Variants in TARS2 observed in about 807,000 individuals in gnomAD.
TARS2 encodes threonine--tRNA ligase, mitochondrial.
A neutral mutation model predicts 94.4 loss-of-function variants in TARS2; 61 were observed. The ratio of observed to expected loss-of-function variants is 0.65; its 90% CI spans 0.53 to 0.80. The LOEUF (loss-of-function observed/expected upper bound fraction) is 0.80. Ranked by LOEUF, TARS2 falls within the 30% of genes least tolerant of loss-of-function variation. TARS2 has a pLI of 0.00. For missense variants in TARS2, 704 were observed against 902.5 expected, an observed-to-expected ratio of 0.78 and a Z score of 2.82; for synonymous variants, 359 against 353.4, an observed-to-expected ratio of 1.02 and a Z score of -0.18.
In TARS2 at chr1:150,487,515, C is replaced by T. The variant is rs587694786; in HGVS notation, c.65C>T (p.Thr22Met). 9 of 1,614,228 alleles carry T rather than the reference C, an allele frequency of 5.6e-6. No individual in the cohort carries two copies. In the South Asian group the frequency reaches 8.8e-5, roughly 16 times the overall value. ...LQGLQACRLH[T>M]AVVSTPPRWL... ...GGTTTACAGGCTTGCAGGCTACACA[C>T]GGTGCGTGAGGCACCCCCAAAGCTC... The change falls in exon 1 of 18, where the codon ACG (threonine) becomes ATG (methionine). Residue 22 changes from threonine to methionine, a missense_variant and splice_region_variant. Coordinates refer to ENST00000369064, the MANE Select transcript of TARS2 (RefSeq NM_025150.5).
intron 10 of TARS2, 22 bp from the exon 11 acceptor site, chr1:150,498,480 C>T: frequency 6.5e-7 from 1 of 1,548,660 alleles, no homozygotes; most frequent in South Asian, 1.3e-5. Context: ...ATGGCCCTGA[C>T]CCCTCTGCAC....
chr1:150,496,696 T>A, intron 8 of TARS2, 68 bp downstream of exon 8: 1 of 1,598,432 alleles, frequency 6.3e-7, no homozygotes, highest in South Asian at 1.1e-5. Context: ...AACCTGATTA[T>A]GAAATTGGGA....
chr1:150,488,517 T>C (rs1669247449), intron 2 of TARS2: 1 of 167,506 alleles, frequency 6.0e-6, no homozygotes, highest in Admixed American at 5.7e-5. Context: ...ATCATTAATT[T>C]ACTTTTTAAT....
rs767435905 is a variant in TARS2 at position 150,487,959 on chromosome 1, G to A, written c.168G>A (p.Lys56=). 6.2e-7 allele frequency: 1 copy of A among 1,614,094 alleles called. No homozygotes were observed. Among genetic ancestry groups the A allele is most frequent in the Non-Finnish European group, 8.5e-7 (1 of 1,180,040 alleles). Residue 56 remains lysine (K), a synonymous_variant, in exon 2 of 18, where the codon AAG becomes AAA. Transcript: ENST00000369064. ...QVKRLASMAQ[K]EPRTIKISLP... ...AGAGATTAGCAAGCATGGCACAGAA[G>A]GAACCCCGGACTATTAAGATATCAC...
At chr1:150,490,817 G>T (rs1402146725) in intron 4 of TARS2, 92 bp downstream of exon 4, 16 of 1,570,876 alleles carry the variant, frequency 1.0e-5, no homozygotes, top group Non-Finnish European at 1.1e-5. Context: ...GGATGAGGAA[G>T]CTGGAGGAGA....
chr1:150,497,451 A>T, intron 9 of TARS2, 79 bp from the exon 10 acceptor site: 1 of 1,397,680 alleles, frequency 7.2e-7, no homozygotes, highest in Non-Finnish European at 1.0e-6. Flanking sequence ...CTGAGGGCCC[A>T]GGAAGATCAC....
intron 7 of TARS2, among the ~76,000 whole-genome samples, chr1:150,494,517 A>G (rs1669557998): frequency 6.6e-6 from 1 of 152,024 alleles, no homozygotes; most frequent in Non-Finnish European, 1.5e-5. Flanking sequence ...AGTTGGGCGG[A>G]TCACTTGAGC....
chr1:150,498,773 C>T, intron 11 of TARS2, 109 bp downstream of exon 11: 1 of 1,605,520 alleles, frequency 6.2e-7, no homozygotes, highest in Non-Finnish European at 8.5e-7. Context: ...TATAATTCAG[C>T]TACATTCTAC....
At position 150,491,628 on chromosome 1, in the gene TARS2, G is replaced by A. The variant is rs1669387908; in HGVS notation, c.661G>A (p.Glu221Lys). The change falls in exon 6 of 18, where the codon GAG (glutamate) becomes AAG (lysine). Residue 221 changes from glutamate to lysine, a missense_variant. Transcript: ENST00000369064. ...DNPFKLHLIE[E>K]KVTGPTATVY... ...CCCCTTTAAGCTTCACTTGATTGAGGAGAAAGTGACAGGTCCAACAGCAAC... is the reference window on the plus strand; with the variant it reads ...CCCCTTTAAGCTTCACTTGATTGAGAAGAAAGTGACAGGTCCAACAGCAAC... 5.0e-6 allele frequency: 8 copies of A among 1,614,122 alleles called. No homozygotes were observed. Among genetic ancestry groups the A allele is most frequent in the Non-Finnish European group, 6.8e-6 (8 of 1,180,024 alleles).
chr1:150,503,593 G>GTGTGTA (rs1670034487), intron 13 of TARS2, among the ~76,000 whole-genome samples: 1 of 145,674 alleles, frequency 6.9e-6, no homozygotes, highest in African/African-American at 2.7e-5. Context: ...ATATGTGTGT[G>GTGTGTA]TGTGTGTGTA....
In TARS2 at chr1:150,496,498, G is replaced by T; in HGVS notation, c.791G>T (p.Trp264Leu). ...LKLLSNSSSL[W>L]RSSGAPETLQ... ...CTCACACAGAACTCATCATCCTTAT[G>T]GAGGTCTTCAGGGGCCCCAGAGACA... Residue 264 changes from tryptophan (W) to leucine (L), a missense_variant, in exon 8 of 18, where the codon TGG (tryptophan) becomes TTG (leucine). Around this residue, in one of 3 missense-constraint regions of TARS2, gnomAD observed 466 missense variants for 609.5 expected, o/e 0.76. Transcript: ENST00000369064. 6.2e-7 allele frequency: 1 copy of T among 1,613,808 alleles called. No homozygotes were observed. Among genetic ancestry groups the T allele is most frequent in the South Asian group, 1.1e-5 (1 of 91,050 alleles).
chr1:150,504,880 GCCATCA>G lies in TARS2; in HGVS notation c.1821-23_1821-18del. The stretch of plus-strand genomic sequence containing the variant: ...TGGCCAGAGCCAGAGTGACTAATTT[GCCATCA>G]CCTGTTCTTTCCCTACCAGGCCACT... On this transcript the variant is annotated intron_variant, in intron 15 of 17. Transcript: ENST00000369064. 2.5e-6 allele frequency: 4 copies of G among 1,613,918 alleles called. No individual in the cohort carries two copies. The highest frequency in any genetic ancestry group is 3.4e-6 in the Non-Finnish European group (4 of 1,179,854).
At position 150,487,446 on chromosome 1, in the gene TARS2, G is replaced by A; in HGVS notation, c.-5G>A. 3 of 1,614,206 alleles carry A rather than the reference G, an allele frequency of 1.9e-6. No homozygotes were observed. The highest frequency in any genetic ancestry group is 2.5e-6 in the Non-Finnish European group (3 of 1,180,042). On this transcript the variant is annotated 5_prime_UTR_variant, in exon 1 of 18. Transcript: ENST00000369064. ...TTGAGGATGTAGGCACTGGTGTGAAGGAACATGGCCCTGTATCAGAGGTGG... is the reference window on the plus strand; with the variant it reads ...TTGAGGATGTAGGCACTGGTGTGAAAGAACATGGCCCTGTATCAGAGGTGG...
intron 7 of TARS2, among the ~76,000 whole-genome samples, chr1:150,493,473 G>A (rs757302644): frequency 4.6e-5 from 7 of 152,146 alleles, no homozygotes; most frequent in African/African-American, 9.7e-5. Flanking sequence ...TGAAAATACC[G>A]TTCTGCATGG....
In TARS2 at chr1:150,507,466, G is replaced by A. The variant is rs1670284684; in HGVS notation, c.*402G>A. ...CGCCTGTAATCCCAGCTACTCAGGA[G>A]GCTGAGGCAGGAGAATCGCTTGAAC... On this transcript the variant is annotated 3_prime_UTR_variant, in exon 18 of 18. Transcript: ENST00000369064. The A allele has an allele frequency of 1.2e-5, 2 of 161,084 alleles. No homozygotes were observed. Among genetic ancestry groups the A allele is most frequent in the Non-Finnish European group, 2.7e-5 (2 of 73,226 alleles). The allele number at this position is 161,084 out of a possible 1,614,324, so 10.0% of individuals were successfully genotyped here.
At chr1:150,490,362 G>T (rs989590062) in intron 3 of TARS2, among the ~76,000 whole-genome samples, 2 of 151,918 alleles carry the variant, frequency 1.3e-5, no homozygotes, top group Non-Finnish European at 2.9e-5. Context: ...CAGATGATCC[G>T]CCTGCCTTGA....
rs587613032 is a variant in TARS2 at position 150,487,638 on chromosome 1, A to G, written c.66+122A>G. The G allele has an allele frequency of 2.9e-6, 4 of 1,393,658 alleles. No homozygotes were observed. In the East Asian group the frequency reaches 9.7e-5, roughly 34 times the overall value. The allele number at this position is 1,393,658 out of a possible 1,614,324, so 86.3% of individuals were successfully genotyped here. A position where few individuals can be genotyped will look rare whatever the true frequency, so the allele number is the denominator to read the frequency against. ...TCTCCCTGGTCCTCCGAGTCCCCAG[A>G]AAAGGACTCGTATCTAAACTCGTTA... On this transcript the variant is annotated intron_variant, in intron 1 of 17. Coordinates refer to ENST00000369064, the MANE Select transcript of TARS2 (RefSeq NM_025150.5).
intron 6 of TARS2, chr1:150,492,185 CGAACTCCT>C: frequency 4.3e-6 from 2 of 467,142 alleles, no homozygotes; most frequent in East Asian, 8.2e-5. Context: ...AGGCTGGTCT[CGAACTCCT>C]GACCACGTGA....
intron 13 of TARS2, 107 bp from the exon 14 acceptor site, chr1:150,504,228 C>G: frequency 9.9e-7 from 1 of 1,015,160 alleles, no homozygotes; most frequent in Non-Finnish European, 1.5e-6. Context: ...AAGGTAGTAG[C>G]CCGGGATGAG....
Sources: gnomAD v4.1 joint callset for allele counts (sites outside exome capture counted in the v4.1 genomes callset) on GRCh38, gnomAD v4.1.1 for gene constraint, gnomAD v4.1.1 regional missense constraint, MANE v1.5 for transcripts, NCBI Gene and HGNC (gene_info 2026-07-23, HGNC 2026-07-21) for gene names.